Variants in RAPGEF2 observed in about 807,000 individuals in gnomAD.
RAPGEF2 encodes Rap guanine nucleotide exchange factor 2.
Under a neutral mutation model 186.7 loss-of-function variants are expected in RAPGEF2, and 54 were observed. The observed-to-expected ratio is 0.29, with a 90% confidence interval of 0.23 to 0.36. The LOEUF is 0.36. Ranked by LOEUF, RAPGEF2 falls within the 10% of genes least tolerant of loss-of-function variation. The pLI, the probability that RAPGEF2 is intolerant of heterozygous loss-of-function variation, is 1.00. For synonymous variants in RAPGEF2, 712 were observed against 705.9 expected (o/e 1.01, Z -0.14); for missense variants, 1,532 against 2,045.0 (o/e 0.75, Z 4.84).
intron 6 of RAPGEF2, among the ~76,000 whole-genome samples, 156 bp from the exon 7 acceptor site, chr4:159,243,618 A>G (rs1754269301): frequency 6.6e-6 from 1 of 152,076 alleles, no homozygotes. Context: ...ATGGCTAAAT[A>G]ACATGGGAAG....
At chr4:159,286,006 T>TCTTAACA in intron 7 of RAPGEF2, among the ~76,000 whole-genome samples, 1 of 151,048 alleles carries the variant, frequency 6.6e-6, no homozygotes, top group East Asian at 2.1e-4. Flanking sequence ...AAAATACAAC[T>TCTTAACA]CTTAACACTT....
chr4:159,225,435 C>T (rs897342093), intron 4 of RAPGEF2, among the ~76,000 whole-genome samples: 1 of 152,182 alleles, frequency 6.6e-6, no homozygotes, highest in Non-Finnish European at 1.5e-5. Flanking sequence ...ATTTTGGCTT[C>T]TACGAATATT....
At chr4:159,338,882 A>G (rs1274082914) in intron 18 of RAPGEF2, among the ~76,000 whole-genome samples, 1 of 152,168 alleles carries the variant, frequency 6.6e-6, no homozygotes, top group African/African-American at 2.4e-5. Flanking sequence ...ACTGTTGTGT[A>G]CTGATGTGCT....
At chr4:159,345,020 C>A (rs2111285559) in intron 23 of RAPGEF2, 86 bp from the exon 24 acceptor site, 1 of 1,075,394 alleles carries the variant, frequency 9.3e-7, no homozygotes, top group Non-Finnish European at 1.4e-6. Context: ...TGAACATAGA[C>A]TATTAATATC....
At chr4:159,163,654 A>C (rs1281695989) in intron 1 of RAPGEF2, among the ~76,000 whole-genome samples, 1 of 152,208 alleles carries the variant, frequency 6.6e-6, no homozygotes, top group Non-Finnish European at 1.5e-5. Context: ...AATCTATTTA[A>C]ATTTTTTGGT....
intron 8 of RAPGEF2, among the ~76,000 whole-genome samples, chr4:159,306,760 CTTATA>C (rs1763348361): frequency 6.6e-6 from 1 of 152,058 alleles, no homozygotes; most frequent in Non-Finnish European, 1.5e-5. Flanking sequence ...GTAGGTTTGT[CTTATA>C]TTACAAGTTT....
intron 1 of RAPGEF2, among the ~76,000 whole-genome samples, chr4:159,169,878 G>A (rs1435033875): frequency 2.0e-5 from 3 of 152,134 alleles, no homozygotes; most frequent in African/African-American, 4.8e-5. Flanking sequence ...CAGTGAACAT[G>A]GGAGTGCAGG....
chr4:159,342,526 C>CTTTTATTTTATTTTATTTTATTTTA (rs200624687), intron 20 of RAPGEF2, among the ~76,000 whole-genome samples: 1 of 108,682 alleles, frequency 9.2e-6, no homozygotes, highest in African/African-American at 3.7e-5. Context: ...ACTATCATAG[C>CTTTTATTTTATTTTATTTTATTTTA]TTTTATTTTA....
chr4:159,355,734 A>G (rs1561347242), intron 28 of RAPGEF2, 119 bp from the exon 29 acceptor site: 1 of 974,058 alleles, frequency 1.0e-6, no homozygotes, highest in South Asian at 1.7e-5. Context: ...AACCGATACC[A>G]TGCAAATGCA....
chr4:159,331,887 T>C (rs1766729589), intron 15 of RAPGEF2, 39 bp from the exon 16 acceptor site: 1 of 1,591,842 alleles, frequency 6.3e-7, no homozygotes, highest in African/African-American at 1.4e-5. Flanking sequence ...GGTTTTTTTT[T>C]TCAGTCAATT....
intron 7 of RAPGEF2, among the ~76,000 whole-genome samples, chr4:159,244,593 A>T (rs548516916): frequency 4.7e-4 from 71 of 152,038 alleles, no homozygotes; most frequent in Non-Finnish European, 8.3e-4. Context: ...TATCCTTGAA[A>T]ACTAATTGGT....
At chr4:159,219,491 G>C (rs1054222001) in intron 4 of RAPGEF2, among the ~76,000 whole-genome samples, 1 of 151,552 alleles carries the variant, frequency 6.6e-6, no homozygotes, top group African/African-American at 2.4e-5. Flanking sequence ...GAGTAGCTGG[G>C]ACTACAGGCA....
At position 159,240,368 on chromosome 4, in the gene RAPGEF2, G is replaced by A. The variant is rs1423831425; in HGVS notation, c.358-833G>A. Among the ~76,000 whole-genome samples the A allele has an allele frequency of 2.0e-4, 21 of 103,860 alleles. No individual in the cohort carries two copies. The Admixed American group carries it at 2.9e-3, about 14-fold the overall frequency. The allele number at this position is 103,860 out of a possible 152,430, so 68.1% of individuals were successfully genotyped here. ...TTTTTTTTGGAGACGGAGTCTTGTC[G>A]TGTTGTCTAGCTTGAAGTGCAGTGG... On this transcript the variant is annotated intron_variant, in intron 5 of 29. Transcript: ENST00000691494.
At chr4:159,238,745 C>A in intron 4 of RAPGEF2, 64 bp from the exon 5 acceptor site, 1 of 1,267,096 alleles carries the variant, frequency 7.9e-7, no homozygotes, top group South Asian at 1.5e-5. Flanking sequence ...GGCTTATGTT[C>A]ACAAATCATA....
chr4:159,321,051 C>T (rs1023811437), intron 9 of RAPGEF2, among the ~76,000 whole-genome samples: 30 of 152,030 alleles, frequency 2.0e-4, no homozygotes, highest in Admixed American at 9.2e-4. Flanking sequence ...AGTGAGAAAA[C>T]TATGACTTAG....
chr4:159,151,066 C>T (rs1351880334), intron 1 of RAPGEF2, among the ~76,000 whole-genome samples: 2 of 152,184 alleles, frequency 1.3e-5, no homozygotes, highest in African/African-American at 2.4e-5. Flanking sequence ...TTGGACAAAT[C>T]GGAGACTTAT....
intron 7 of RAPGEF2, among the ~76,000 whole-genome samples, chr4:159,245,670 A>G (rs1181712373): frequency 6.6e-6 from 1 of 152,038 alleles, no homozygotes; most frequent in African/African-American, 2.4e-5. Flanking sequence ...AATGGAGAGG[A>G]GAGGAAGGAC....
intron 4 of RAPGEF2, 74 bp downstream of exon 4, chr4:159,210,657 C>G: frequency 1.7e-6 from 2 of 1,168,192 alleles, no homozygotes; most frequent in South Asian, 2.8e-5. Context: ...TTCTAAAATT[C>G]TTTTCTCTTC....
chr4:159,119,067 G>A (rs910515372), intron 1 of RAPGEF2, among the ~76,000 whole-genome samples: 5 of 152,120 alleles, frequency 3.3e-5, no homozygotes, highest in African/African-American at 1.2e-4. Context: ...TGATAGACTT[G>A]ATTTATAGTA....
Sources: allele counts gnomAD v4.1 joint callset (sites outside exome capture counted in the v4.1 genomes callset), GRCh38; gene constraint gnomAD v4.1.1; transcripts MANE v1.5; gene names NCBI Gene and HGNC (gene_info 2026-07-23, HGNC 2026-07-21).